AKAP7: variants seen among roughly 807,000 people sequenced by gnomAD.
The protein encoded by AKAP7 is A kinase (PRKA) anchor protein 7.
A neutral mutation model predicts 39.5 loss-of-function variants in AKAP7; 39 were observed. The ratio of observed to expected loss-of-function variants is 0.99; its 90% CI spans 0.76 to 1.29. The LOEUF (loss-of-function observed/expected upper bound fraction) is 1.29, where lower values mean the gene tolerates loss of function less well. Among genes scored for constraint, AKAP7 ranks in the 50% most tolerant of loss-of-function variants. AKAP7 has a pLI of 0.00. For missense variants in AKAP7, 414 were observed against 407.7 expected (o/e 1.02, Z -0.13); for synonymous variants, 140 against 139.1 (o/e 1.01, Z -0.05).
At chr6:131,193,169 A>G (rs1806582477) in intron 5 of AKAP7, among the ~76,000 whole-genome samples, 1 of 152,126 alleles carries the variant, frequency 6.6e-6, no homozygotes. Context: ...TGTTAAGAGG[A>G]AAGGCTTTCA....
intron 5 of AKAP7, among the ~76,000 whole-genome samples, chr6:131,179,945 A>G (rs997413295): frequency 6.6e-6 from 1 of 152,212 alleles, no homozygotes; most frequent in Non-Finnish European, 1.5e-5. Flanking sequence ...AAAGAATGAG[A>G]AAATGAAGAA....
intron 7 of AKAP7, among the ~76,000 whole-genome samples, chr6:131,233,992 T>TG (rs1810832919): frequency 6.6e-6 from 1 of 152,280 alleles, no homozygotes; most frequent in Non-Finnish European, 1.5e-5. Context: ...AAAATATGAA[T>TG]GGGGGTAGTG....
intron 1 of AKAP7, among the ~76,000 whole-genome samples, chr6:131,141,631 C>T (rs867369869): frequency 3.3e-5 from 5 of 152,052 alleles, no homozygotes; most frequent in Non-Finnish European, 5.9e-5. Context: ...CAGAAGAAGA[C>T]AGGAAGATGA....
At chr6:131,223,729 G>A (rs1809908743) in intron 7 of AKAP7, among the ~76,000 whole-genome samples, 3 of 152,154 alleles carry the variant, frequency 2.0e-5, no homozygotes, top group Admixed American at 6.5e-5. Context: ...AAGAATTGCA[G>A]TGCCTCATTA....
intron 1 of AKAP7, chr6:131,137,709 G>C (rs904740070): frequency 2.6e-5 from 4 of 152,032 alleles, no homozygotes; most frequent in Non-Finnish European, 4.4e-5. Flanking sequence ...TTTGATGAAG[G>C]CATTTGCTTC....
chr6:131,241,838 A>G (rs1257986451), intron 7 of AKAP7, among the ~76,000 whole-genome samples: 1 of 152,072 alleles, frequency 6.6e-6, no homozygotes, highest in Non-Finnish European at 1.5e-5. Context: ...TTATTTCCAT[A>G]AGTGTGACAG....
intron 5 of AKAP7, among the ~76,000 whole-genome samples, chr6:131,199,215 A>G (rs1807271942): frequency 6.6e-6 from 1 of 152,218 alleles, no homozygotes; most frequent in East Asian, 1.9e-4. Context: ...ATCCCTTTCA[A>G]ATTATTGCTT....
chr6:131,230,283 G>GAT (rs1369163464), intron 7 of AKAP7, among the ~76,000 whole-genome samples: 1 of 152,164 alleles, frequency 6.6e-6, no homozygotes, highest in Admixed American at 6.5e-5. Context: ...TTTATTAATA[G>GAT]ATATTCTGAC....
chr6:131,272,649 A>G (rs1814385999), intron 7 of AKAP7, among the ~76,000 whole-genome samples: 1 of 152,224 alleles, frequency 6.6e-6, no homozygotes, highest in African/African-American at 2.4e-5. Context: ...ATAAATAACT[A>G]AAGGATTCTC....
chr6:131,207,490 A>ATTTTTTTTTTTTTTTT (rs1562213736), intron 6 of AKAP7, among the ~76,000 whole-genome samples: 1 of 80,892 alleles, frequency 1.2e-5, no homozygotes, highest in Non-Finnish European at 2.7e-5. Context: ...GGCTAATTAA[A>ATTTTTTTTTTTTTTTT]ATTTTTTTTT....
intron 4 of AKAP7, among the ~76,000 whole-genome samples, chr6:131,168,358 G>A (rs1488807680): frequency 6.6e-6 from 1 of 152,000 alleles, no homozygotes; most frequent in African/African-American, 2.4e-5. Context: ...GCTTCAGTCA[G>A]CTGTGATCAC....
chr6:131,221,068 C>T (rs565899037), intron 7 of AKAP7, among the ~76,000 whole-genome samples: 26 of 152,172 alleles, frequency 1.7e-4, no homozygotes, highest in Admixed American at 3.9e-4. Context: ...TGAAATAATC[C>T]GAAAGCTAGG....
chr6:131,167,072 A>G (rs970588900), intron 4 of AKAP7, among the ~76,000 whole-genome samples: 5 of 152,172 alleles, frequency 3.3e-5, no homozygotes, highest in Non-Finnish European at 5.9e-5. Flanking sequence ...GAAAAGACTT[A>G]CAAATGTCCT....
chr6:131,256,746 C>A (rs1245214897), intron 7 of AKAP7, among the ~76,000 whole-genome samples: 1 of 139,854 alleles, frequency 7.2e-6, no homozygotes, highest in African/African-American at 2.5e-5. Context: ...AAAGAGATGG[C>A]CCAAGCAGGT....
chr6:131,223,239 G>A (rs976538540), intron 7 of AKAP7, among the ~76,000 whole-genome samples: 18 of 152,122 alleles, frequency 1.2e-4, no homozygotes, highest in African/African-American at 4.3e-4. Flanking sequence ...TACCTCTGAG[G>A]TATGCCTGTA....
intron 1 of AKAP7, 87 bp downstream of exon 1, chr6:131,135,869 G>A: frequency 8.3e-7 from 1 of 1,199,184 alleles, no homozygotes; most frequent in Non-Finnish European, 1.0e-6. Context: ...CTTTGGGAGG[G>A]CCTGACCCGC....
intron 1 of AKAP7, among the ~76,000 whole-genome samples, chr6:131,143,315 A>G (rs906009600): frequency 1.3e-5 from 2 of 152,140 alleles, no homozygotes; most frequent in African/African-American, 4.8e-5. Context: ...TGTTTGGGTC[A>G]TGGGGGCAGA....
At chr6:131,176,589 G>C (rs1398778593) in intron 5 of AKAP7, among the ~76,000 whole-genome samples, 1 of 151,984 alleles carries the variant, frequency 6.6e-6, no homozygotes, top group Non-Finnish European at 1.5e-5. Context: ...TGGTTAGCAT[G>C]ATAAAAGATT....
At chr6:131,143,513 C>T (rs1801216301) in intron 1 of AKAP7, among the ~76,000 whole-genome samples, 1 of 152,156 alleles carries the variant, frequency 6.6e-6, no homozygotes, top group African/African-American at 2.4e-5. Flanking sequence ...GATGCTGGCA[C>T]TGTGCTTTGT....
Sources: allele counts gnomAD v4.1 joint callset (sites outside exome capture counted in the v4.1 genomes callset), GRCh38; gene constraint gnomAD v4.1.1; transcripts MANE v1.5; gene names NCBI Gene and HGNC (gene_info 2026-07-23, HGNC 2026-07-21).